Variants in ME1 observed in about 807,000 individuals in gnomAD.
ME1 encodes malic enzyme 1.
A neutral mutation model predicts 66.4 loss-of-function variants in ME1; 74 were observed. That is an observed-to-expected ratio of 1.11 (90% CI 0.92 to 1.35). ME1 has a LOEUF of 1.35. ME1 is among the 40% of genes most tolerant of loss of function. The pLI, the probability that ME1 is intolerant of heterozygous loss-of-function variation, is 0.00. For missense variants in ME1, 750 were observed against 694.1 expected (o/e 1.08, Z -0.90); for synonymous variants, 251 against 235.6 (o/e 1.07, Z -0.60).
chr6:83,321,400 C>T (rs554655387), intron 5 of ME1, among the ~76,000 whole-genome samples: 3 of 152,166 alleles, frequency 2.0e-5, no homozygotes, highest in Non-Finnish European at 4.4e-5. Flanking sequence ...AAGCTAAGAT[C>T]CACTGGCTTG....
At chr6:83,299,087 T>C (rs1424411134) in intron 6 of ME1, among the ~76,000 whole-genome samples, 1 of 151,838 alleles carries the variant, frequency 6.6e-6, no homozygotes, top group South Asian at 2.1e-4. Flanking sequence ...TCGGGCTCTT[T>C]TTTGGTTTCA....
intron 6 of ME1, among the ~76,000 whole-genome samples, chr6:83,308,187 G>T (rs1023323247): frequency 6.6e-6 from 1 of 152,086 alleles, no homozygotes; most frequent in African/African-American, 2.4e-5. Context: ...TTGAAGGAGG[G>T]TGTAGTATAA....
At chr6:83,224,929 C>T (rs987867284) in intron 11 of ME1, among the ~76,000 whole-genome samples, 19 of 151,742 alleles carry the variant, frequency 1.3e-4, no homozygotes, top group South Asian at 8.3e-4. Flanking sequence ...TGGCTGGGCG[C>T]GGTGGCTCAC....
chr6:83,297,638 G>T (rs182353404), intron 6 of ME1, among the ~76,000 whole-genome samples: 202 of 152,132 alleles, frequency 1.3e-3, no homozygotes, highest in Non-Finnish European at 2.1e-3. Context: ...GTGCAGGTTT[G>T]TTACATAGGT....
chr6:83,274,091 A>T (rs1767133481), intron 6 of ME1, among the ~76,000 whole-genome samples: 2 of 152,182 alleles, frequency 1.3e-5, no homozygotes. Context: ...TTGTCACCTA[A>T]TGCTCTGCTA....
intron 9 of ME1, among the ~76,000 whole-genome samples, chr6:83,237,279 G>GA (rs58047261): frequency 1.6e-4 from 8 of 50,562 alleles, no homozygotes; most frequent in Admixed American, 2.3e-4. Flanking sequence ...AAGAAAGAAA[G>GA]GAAGGAAGGA....
intron 9 of ME1, among the ~76,000 whole-genome samples, chr6:83,229,696 A>G (rs1033517113): frequency 6.6e-6 from 1 of 152,260 alleles, no homozygotes; most frequent in African/African-American, 2.4e-5. Context: ...CTAGAACTCA[A>G]AGCCTTTTCA....
intron 9 of ME1, among the ~76,000 whole-genome samples, chr6:83,229,853 G>T (rs1398389200): frequency 1.3e-5 from 2 of 152,138 alleles, no homozygotes; most frequent in Admixed American, 6.5e-5. Context: ...TTGAAATGAG[G>T]TCTCATTTTG....
intron 3 of ME1, among the ~76,000 whole-genome samples, chr6:83,387,679 A>G (rs546658678): frequency 6.6e-6 from 1 of 152,292 alleles, no homozygotes; most frequent in Non-Finnish European, 1.5e-5. Flanking sequence ...TCTAAAGGAA[A>G]TAAGTATAAA....
In ME1 at chr6:83,228,890, A is replaced by C. The variant is rs1183065132; in HGVS notation, c.1068T>G (p.His356Gln). The change falls in exon 10 of 14, where the codon CAT (histidine) becomes CAG (glutamine). Residue 356 changes from histidine to glutamine, a missense_variant. By Grantham distance (24) the His-to-Gln change is conservative. Transcript: ENST00000369705. ...SLTQEKEKFAHEHEEMKNLEA... is the reference protein window; with the variant it reads ...SLTQEKEKFAQEHEEMKNLEA... Reference sequence around the variant, plus strand: ...CTAGGTTCTTCATTTCTTCATGTTCATGGGCAAACTTCTCTTTCTCTTGTG... The same window carrying C: ...CTAGGTTCTTCATTTCTTCATGTTCCTGGGCAAACTTCTCTTTCTCTTGTG... 1.2e-6 allele frequency: 2 copies of C among 1,613,332 alleles called. No homozygotes were observed. The highest frequency in any genetic ancestry group is 1.7e-5 in the Admixed American group (1 of 59,884).
chr6:83,408,051 G>A, intron 1 of ME1, 150 bp from the exon 2 acceptor site: 1 of 782,666 alleles, frequency 1.3e-6, no homozygotes, highest in South Asian at 2.9e-5. Flanking sequence ...AGTAAACCAT[G>A]TAAGCTCTCC....
chr6:83,315,202 T>G (rs549966268), intron 6 of ME1, 108 bp downstream of exon 6: 24 of 670,584 alleles, frequency 3.6e-5, no homozygotes, highest in Admixed American at 1.9e-4. Flanking sequence ...GCATTTTTCA[T>G]TCAAATTACT....
At chr6:83,331,533 C>T (rs915683358) in intron 5 of ME1, among the ~76,000 whole-genome samples, 5 of 149,906 alleles carry the variant, frequency 3.3e-5, no homozygotes, top group African/African-American at 1.2e-4. Flanking sequence ...TTGCAGTGAG[C>T]TGAGATCATG....
At chr6:83,428,989 C>G (rs769761356) in intron 1 of ME1, among the ~76,000 whole-genome samples, 30 of 152,156 alleles carry the variant, frequency 2.0e-4, no homozygotes, top group Admixed American at 3.9e-4. Context: ...CTTGGCTGGG[C>G]GCGGTGGCTC....
At chr6:83,280,309 A>T (rs1767263941) in intron 6 of ME1, among the ~76,000 whole-genome samples, 1 of 152,184 alleles carries the variant, frequency 6.6e-6, no homozygotes, top group South Asian at 2.1e-4. Context: ...GGACAAGTGA[A>T]ACAAATGAAA....
At position 83,263,537 on chromosome 6, in the gene ME1, C is replaced by A. The variant is rs571007619; in HGVS notation, c.705-9799G>T. 5.9e-5 allele frequency among the ~76,000 whole-genome samples: 9 copies of A among 151,940 alleles called. 1 individual carries two copies. The South Asian group carries it at 1.9e-3, about 32-fold the overall frequency. On this transcript the variant is annotated intron_variant, in intron 6 of 13. Coordinates refer to ENST00000369705, the MANE Select transcript of ME1 (RefSeq NM_002395.6). The stretch of plus-strand genomic sequence containing the variant: ...TAAATGATAAGAAAGCAAAAAAAGT[C>A]TTTTTTTGGGAGTCTTTTGATAGGG...
chr6:83,249,437 G>A (rs1204866619), intron 7 of ME1, among the ~76,000 whole-genome samples: 1 of 152,042 alleles, frequency 6.6e-6, no homozygotes, highest in Non-Finnish European at 1.5e-5. Flanking sequence ...ATATTGGCCA[G>A]GCTGGTCTCG....
intron 6 of ME1, among the ~76,000 whole-genome samples, chr6:83,295,876 A>G (rs1333450747): frequency 6.6e-6 from 1 of 152,182 alleles, no homozygotes; most frequent in East Asian, 1.9e-4. Context: ...ACCACCAGAG[A>G]CTATTATGAA....
chr6:83,357,947 A>ATATATG (rs1768929272), intron 3 of ME1, among the ~76,000 whole-genome samples: 1 of 80,988 alleles, frequency 1.2e-5, no homozygotes, highest in Non-Finnish European at 2.4e-5. Context: ...ATATATATAT[A>ATATATG]TATATATATA....
Sources: gnomAD v4.1 joint callset for allele counts (sites outside exome capture counted in the v4.1 genomes callset) on GRCh38, gnomAD v4.1.1 for gene constraint, MANE v1.5 for transcripts, NCBI Gene and HGNC (gene_info 2026-07-23, HGNC 2026-07-21) for gene names.